Variants in NAA16 observed in about 807,000 individuals in gnomAD.
The protein encoded by NAA16 is N-alpha-acetyltransferase 16, NatA auxiliary subunit.
Under a neutral mutation model 110.3 loss-of-function variants are expected in NAA16, and 97 were observed. The ratio of observed to expected loss-of-function variants is 0.88; its 90% CI spans 0.75 to 1.04. The LOEUF is 1.04. Among genes scored for constraint, NAA16 ranks in the 50% least tolerant of loss-of-function variants. The pLI, the probability that NAA16 is intolerant of heterozygous loss-of-function variation, is 0.00. For synonymous variants in NAA16, 372 were observed against 330.6 expected (o/e 1.13, Z -1.36); for missense variants, 1,017 against 1,005.1 (o/e 1.01, Z -0.16).
At chr13:41,323,011 A>G (rs771358991) in intron 4 of NAA16, 45 bp from the exon 5 acceptor site, 2 of 1,544,978 alleles carry the variant, frequency 1.3e-6, no homozygotes, top group Non-Finnish European at 1.8e-6. Context: ...AACTGATGAA[A>G]TAATGTTTTA....
intron 9 of NAA16, among the ~76,000 whole-genome samples, chr13:41,338,006 G>C (rs1645260379): frequency 6.6e-6 from 1 of 152,148 alleles, no homozygotes; most frequent in Non-Finnish European, 1.5e-5. Flanking sequence ...AATGTCTGTT[G>C]TATGGTCTAT....
intron 15 of NAA16, among the ~76,000 whole-genome samples, chr13:41,369,625 G>A (rs562567615): frequency 2.0e-5 from 3 of 152,278 alleles, no homozygotes; most frequent in African/African-American, 7.2e-5. Context: ...AGATTAGCCT[G>A]GATTGTCCAT....
intron 9 of NAA16, among the ~76,000 whole-genome samples, chr13:41,347,227 ACAAAAACAAAAAC>A (rs1337031399): frequency 2.0e-5 from 2 of 100,204 alleles, no homozygotes; most frequent in South Asian, 2.5e-4. Context: ...AAAAAAAAAA[ACAAAAACAAAAAC>A]AAAAAAAGAA....
intron 5 of NAA16, among the ~76,000 whole-genome samples, chr13:41,324,015 A>G (rs2042019085): frequency 1.3e-5 from 2 of 152,110 alleles, no homozygotes; most frequent in African/African-American, 2.4e-5. Context: ...AGCTTCTTCC[A>G]TCCTATTTCA....
intron 8 of NAA16, among the ~76,000 whole-genome samples, chr13:41,334,963 G>A (rs372000027): frequency 6.6e-6 from 1 of 152,116 alleles, no homozygotes; most frequent in African/African-American, 2.4e-5. Flanking sequence ...GGATTGCTGC[G>A]CACCTGGGTT....
chr13:41,357,968 A>G (rs1264680709), intron 10 of NAA16, among the ~76,000 whole-genome samples: 2 of 152,112 alleles, frequency 1.3e-5, no homozygotes, highest in Non-Finnish European at 2.9e-5. Context: ...CTCTTTGCCA[A>G]GTTTTTTTCC....
chr13:41,373,126 A>G, intron 17 of NAA16: 1 of 948,906 alleles, frequency 1.1e-6, no homozygotes, highest in Non-Finnish European at 1.3e-6. Flanking sequence ...TGTCTATAAA[A>G]TAAACCTGTT....
At position 41,376,705 on chromosome 13, in the gene NAA16, A is replaced by G. The variant is rs561627160; in HGVS notation, c.*1103A>G. The stretch of plus-strand genomic sequence containing the variant: ...AAATGCATTTTAATATCTCGGCAAA[A>G]TGAGATTTGAAACTCATTAGTTTAA... On this transcript the variant is annotated 3_prime_UTR_variant, in exon 20 of 20. Coordinates refer to ENST00000379406, the MANE Select transcript of NAA16 (RefSeq NM_024561.5). 2.6e-5 allele frequency: 4 copies of G among 152,228 alleles called. No individual in the cohort carries two copies. In the South Asian group the frequency reaches 8.3e-4, roughly 31 times the overall value. The allele number at this position is 152,228 out of a possible 1,614,324, so 9.4% of individuals were successfully genotyped here.
rs1289930886 is a variant in NAA16 at position 41,376,368 on chromosome 13, T to TG, written c.*768dup. 3.3e-5 allele frequency: 5 copies of TG among 152,344 alleles called. No homozygotes were observed. The highest frequency in any genetic ancestry group is 7.3e-5 in the Non-Finnish European group (5 of 68,032). The allele number at this position is 152,344 out of a possible 1,614,324, so 9.4% of individuals were successfully genotyped here. The stretch of plus-strand genomic sequence containing the variant: ...GTCCTTTTTTCATTGTAATATTTCA[T>TG]GGTTTACTATTTCCTTTTAGTATTC... On this transcript the variant is annotated 3_prime_UTR_variant, in exon 20 of 20. Transcript: ENST00000379406.
chr13:41,347,662 G>T (rs2042721993), intron 9 of NAA16, among the ~76,000 whole-genome samples: 1 of 152,034 alleles, frequency 6.6e-6, no homozygotes, highest in Non-Finnish European at 1.5e-5. Context: ...GCTAGTATAT[G>T]GAAATACAGT....
chr13:41,352,154 C>G (rs1366145807), intron 9 of NAA16, among the ~76,000 whole-genome samples: 1 of 152,086 alleles, frequency 6.6e-6, no homozygotes, highest in Non-Finnish European at 1.5e-5. Context: ...CCAGCCCGGG[C>G]AACAGGGCAA....
At position 41,369,023 on chromosome 13, in the gene NAA16, T is replaced by A; in HGVS notation, c.1754-67T>A. 9.6e-6 allele frequency: 13 copies of A among 1,355,872 alleles called. No individual in the cohort carries two copies. In the South Asian group the frequency reaches 1.9e-4, roughly 20 times the overall value. 84.0% of individuals were successfully genotyped at this position (1,355,872 alleles called of 1,614,324 possible). On this transcript the variant is annotated intron_variant, in intron 14 of 19. Coordinates refer to ENST00000379406, the MANE Select transcript of NAA16 (RefSeq NM_024561.5). ...AAGGGACAACCATACTAACAGTATG[T>A]ATTACAGAAGAATATGAAGAAAATG...
chr13:41,311,745 G>C (rs2041581919), intron 1 of NAA16, among the ~76,000 whole-genome samples, 163 bp downstream of exon 1: 1 of 152,200 alleles, frequency 6.6e-6, no homozygotes, highest in Admixed American at 6.5e-5. Flanking sequence ...CGCTCCGGCC[G>C]GCCCACGGGG....
intron 9 of NAA16, among the ~76,000 whole-genome samples, chr13:41,345,622 A>T (rs952198539): frequency 6.6e-6 from 1 of 152,022 alleles, no homozygotes; most frequent in African/African-American, 2.4e-5. Flanking sequence ...CACTCTTGTC[A>T]CCCAGGCTGG....
chr13:41,354,283 T>C lies in NAA16; in HGVS notation c.1015-861T>C, dbSNP rs562989732. Among the ~76,000 whole-genome samples, 55 of 152,208 alleles carry C rather than the reference T, an allele frequency of 3.6e-4. 1 individual carries two copies. The highest frequency in any genetic ancestry group is 4.0e-4 in the Non-Finnish European group (27 of 68,036). On this transcript the variant is annotated intron_variant, in intron 9 of 19. Transcript: ENST00000379406. ...GTTTCATGGACACTGTCCTGTGTCT[T>C]TGTGGCATGAGGAGTAATCCGGATT...
chr13:41,350,884 G>A (rs1330136804), intron 9 of NAA16, among the ~76,000 whole-genome samples: 1 of 151,940 alleles, frequency 6.6e-6, no homozygotes, highest in Non-Finnish European at 1.5e-5. Context: ...CTCAGCCCCC[G>A]AAAGTGCTGT....
intron 13 of NAA16, chr13:41,362,677 T>TTTTC (rs2043137050): frequency 1.6e-6 from 2 of 1,287,566 alleles, no homozygotes; most frequent in African/African-American, 3.0e-5. Flanking sequence ...GTGAGGGGAC[T>TTTTC]TTTCTTTTCC....
intron 12 of NAA16, 37 bp downstream of exon 12, chr13:41,358,999 A>G (rs567140219): frequency 2.7e-6 from 4 of 1,509,194 alleles, no homozygotes; most frequent in African/African-American, 2.7e-5. Flanking sequence ...AATTGTCTAA[A>G]TTAAGACAGT....
intron 1 of NAA16, 57 bp from the exon 2 acceptor site, chr13:41,316,789 A>C: frequency 9.0e-7 from 1 of 1,116,808 alleles, no homozygotes; most frequent in Non-Finnish European, 1.4e-6. Flanking sequence ...TGCTGTGAGA[A>C]GTTGCTCCAT....
Sources: allele counts gnomAD v4.1 joint callset (sites outside exome capture counted in the v4.1 genomes callset), GRCh38; gene constraint gnomAD v4.1.1; transcripts MANE v1.5; gene names NCBI Gene and HGNC (gene_info 2026-07-23, HGNC 2026-07-21).